The following PRKN variants were observed in gnomAD, a reference collection of about 807,000 sequenced individuals.
The protein encoded by PRKN is parkin RBR E3 ubiquitin protein ligase, also known as E3 ubiquitin-protein ligase parkin.
PRKN carries 56 observed loss-of-function variants against 59.5 expected under a neutral mutation model. That is an observed-to-expected ratio of 0.94 (90% CI 0.76 to 1.18). PRKN has a LOEUF of 1.18. PRKN is among the 50% of genes most tolerant of loss of function. PRKN has a pLI of 0.00. For missense variants in PRKN, 657 were observed against 596.4 expected (o/e 1.10, Z -1.06); for synonymous variants, 250 against 222.1 (o/e 1.13, Z -1.12).
At chr6:162,715,191 C>A (rs181642099) in intron 1 of PRKN, among the ~76,000 whole-genome samples, 19 of 152,140 alleles carry the variant, frequency 1.2e-4, no homozygotes, top group Admixed American at 5.9e-4. Context: ...TGAAGTGGGG[C>A]CCCACCCCAA....
chr6:162,594,871 T>A (rs1781441539), intron 1 of PRKN, among the ~76,000 whole-genome samples: 2 of 152,200 alleles, frequency 1.3e-5, no homozygotes. Flanking sequence ...TCTCTCTGAA[T>A]AATCTTTCAG....
At chr6:162,474,121 C>G (rs1399815625) in intron 1 of PRKN, among the ~76,000 whole-genome samples, 1 of 152,154 alleles carries the variant, frequency 6.6e-6, no homozygotes, top group East Asian at 1.9e-4. Context: ...CAATATTAAT[C>G]AAATGACTTA....
chr6:161,568,332 G>A (rs1018735871), intron 8 of PRKN, among the ~76,000 whole-genome samples: 2 of 152,194 alleles, frequency 1.3e-5, no homozygotes, highest in African/African-American at 2.4e-5. Context: ...GATGGCTCAC[G>A]CCTGTAATCC....
chr6:161,706,516 G>C (rs1786502726), intron 7 of PRKN, among the ~76,000 whole-genome samples: 1 of 152,200 alleles, frequency 6.6e-6, no homozygotes, highest in Admixed American at 6.5e-5. Context: ...GATGCAACTG[G>C]CACGCAGGAA....
chr6:162,622,899 T>C (rs185829527), intron 1 of PRKN, among the ~76,000 whole-genome samples: 6 of 152,290 alleles, frequency 3.9e-5, no homozygotes, highest in Admixed American at 2.0e-4. Context: ...ACACGTGAAA[T>C]GCTTTATGAA....
chr6:162,531,306 G>A lies in PRKN; in HGVS notation c.8-87833C>T, dbSNP rs560099602. Among the ~76,000 whole-genome samples the A allele has an allele frequency of 5.3e-5, 8 of 152,204 alleles. No homozygotes were observed. In the East Asian group the frequency reaches 1.4e-3, roughly 26 times the overall value. ...AACCGTCAAGGGGTTCACCTTGCTC[G>A]CTGCCTAGACAGAGCCGATTCATCA... On this transcript the variant is annotated intron_variant, in intron 1 of 11. Transcript: ENST00000366898.
chr6:161,428,667 T>C lies in PRKN; in HGVS notation c.1084-41790A>G, dbSNP rs1045341096. ...CAACTGCTACTGTCTTGCTAAAGAA[T>C]CAGCAATTCACACATATAATAAAGC... On this transcript the variant is annotated intron_variant, in intron 9 of 11. Coordinates refer to ENST00000366898, the MANE Select transcript of PRKN (RefSeq NM_004562.3). This position sits in a 1 kb window ranked among gnomAD's most constrained non-coding sequence, Gnocchi z 4.0. Among the ~76,000 whole-genome samples, 1 of 152,220 alleles carries C rather than the reference T, an allele frequency of 6.6e-6. No homozygotes were observed. Among genetic ancestry groups the C allele is most frequent in the African/African-American group, 2.4e-5 (1 of 41,450 alleles).
chr6:161,708,058 T>C (rs897911478), intron 7 of PRKN, among the ~76,000 whole-genome samples: 1 of 152,196 alleles, frequency 6.6e-6, no homozygotes. Context: ...GTGTCTAGAA[T>C]CATACCTAGC....
chr6:161,363,913 A>G lies in PRKN; in HGVS notation c.1168-3708T>C, dbSNP rs779511690. On this transcript the variant is annotated intron_variant, in intron 10 of 11. Coordinates refer to ENST00000366898, the MANE Select transcript of PRKN (RefSeq NM_004562.3). The surrounding 1 kb of genome is among the most constrained non-coding windows in gnomAD (Gnocchi z 4.1). ...GGTGGTTCACGCCTGTAATCCAAGC[A>G]CTTTGGGAGGCCAAGGCAGGCGGAT... Among the ~76,000 whole-genome samples, 5 of 152,326 alleles carry G rather than the reference A, an allele frequency of 3.3e-5. No individual in the cohort carries two copies. The highest frequency in any genetic ancestry group is 7.3e-5 in the Non-Finnish European group (5 of 68,030).
At chr6:161,491,520 T>C (rs2115272576) in intron 9 of PRKN, among the ~76,000 whole-genome samples, 1 of 152,312 alleles carries the variant, frequency 6.6e-6, no homozygotes, top group African/African-American at 2.4e-5. Context: ...TCTCTGCACC[T>C]TTCAGTGCTG....
intron 4 of PRKN, among the ~76,000 whole-genome samples, chr6:162,061,321 T>C (rs1002530261): frequency 1.3e-5 from 2 of 152,116 alleles, no homozygotes; most frequent in East Asian, 3.8e-4. Context: ...CATAGAGAGT[T>C]AAAAAAATGG....
At chr6:161,981,170 A>G (rs1781245806) in intron 5 of PRKN, among the ~76,000 whole-genome samples, 2 of 152,176 alleles carry the variant, frequency 1.3e-5, no homozygotes, top group South Asian at 4.1e-4. Context: ...CTTCAAATCA[A>G]TCTAAATGCC....
intron 2 of PRKN, among the ~76,000 whole-genome samples, chr6:162,367,921 C>A (rs754074470): frequency 3.3e-5 from 5 of 152,106 alleles, no homozygotes; most frequent in Non-Finnish European, 5.9e-5. Context: ...TGAGGATGGG[C>A]CGACTGAGTG....
chr6:162,115,501 T>C (rs144242683), intron 4 of PRKN, among the ~76,000 whole-genome samples: 1 of 146,898 alleles, frequency 6.8e-6, no homozygotes, highest in East Asian at 2.0e-4. Flanking sequence ...ATAATAATAA[T>C]AAATAAATAC....
chr6:162,374,238 C>G (rs891068743), intron 2 of PRKN, among the ~76,000 whole-genome samples: 4 of 152,220 alleles, frequency 2.6e-5, no homozygotes, highest in Admixed American at 2.6e-4. Context: ...CATATTCACA[C>G]AGTTTTAAAT....
At chr6:162,621,426 C>T (rs1004094212) in intron 1 of PRKN, among the ~76,000 whole-genome samples, 3 of 152,152 alleles carry the variant, frequency 2.0e-5, no homozygotes, top group Admixed American at 6.5e-5. Context: ...TCACAGATAA[C>T]GGCATGTGAG....
At chr6:162,205,479 A>G (rs1238187448) in intron 3 of PRKN, among the ~76,000 whole-genome samples, 2 of 151,894 alleles carry the variant, frequency 1.3e-5, no homozygotes, top group Non-Finnish European at 2.9e-5. Context: ...TTCCATCACT[A>G]GTTGTCACTG....
chr6:161,963,967 A>G (rs577050815), intron 6 of PRKN, among the ~76,000 whole-genome samples: 53 of 151,078 alleles, frequency 3.5e-4, no homozygotes, highest in African/African-American at 1.3e-3. Flanking sequence ...AGACAGACAC[A>G]CAGGACAACA....
rs964894151 is a variant in PRKN, at chr6:161,486,391, A to G, written c.1083+62463T>C. On this transcript the variant is annotated intron_variant, in intron 9 of 11. Coordinates refer to ENST00000366898, the MANE Select transcript of PRKN (RefSeq NM_004562.3). The stretch of plus-strand genomic sequence containing the variant: ...TTTTTGTTTCTAAATAGTCTATGAT[A>G]TATTTAAAAATGAAATTTGAAGTCA... 1.9e-4 allele frequency among the ~76,000 whole-genome samples: 29 copies of G among 152,334 alleles called. 1 individual carries two copies. The highest frequency in any genetic ancestry group is 6.5e-4 in the African/African-American group (27 of 41,582).
Sources: allele counts gnomAD v4.1 joint callset (sites outside exome capture counted in the v4.1 genomes callset), GRCh38; gene constraint gnomAD v4.1.1; non-coding constraint Gnocchi (gnomAD v3.1); transcripts MANE v1.5; gene names NCBI Gene and HGNC (gene_info 2026-07-23, HGNC 2026-07-21).